NRDE2: variants seen among roughly 807,000 people sequenced by gnomAD.
NRDE2 encodes nuclear exosome regulator NRDE2.
NRDE2 carries 76 observed loss-of-function variants against 124.2 expected under a neutral mutation model. The ratio of observed to expected loss-of-function variants is 0.61; its 90% CI spans 0.51 to 0.74. The LOEUF is 0.74. NRDE2 is among the 30% of genes least tolerant of loss of function. The pLI is 0.00. For missense variants in NRDE2, 1,314 were observed against 1,417.3 expected, an observed-to-expected ratio of 0.93 and a Z score of 1.17; for synonymous variants, 489 against 528.1, an observed-to-expected ratio of 0.93 and a Z score of 1.01.
At chr14:90,316,263 A>G (rs770257828) in intron 3 of NRDE2, among the ~76,000 whole-genome samples, 68 of 152,252 alleles carry the variant, frequency 4.5e-4, no homozygotes, top group Non-Finnish European at 9.3e-4. Context: ...CACGGCCCTC[A>G]GAGAGGGAAC....
At chr14:90,318,715 C>T (rs1885139873) in intron 1 of NRDE2, among the ~76,000 whole-genome samples, 1 of 152,102 alleles carries the variant, frequency 6.6e-6, no homozygotes, top group African/African-American at 2.4e-5. Context: ...CAGGAGATTG[C>T]TTGAACCTGG....
chr14:90,316,821 A>C lies in NRDE2; in HGVS notation c.174-10T>G, dbSNP rs1380014524. 1.3e-6 allele frequency: 2 copies of C among 1,540,634 alleles called. No individual in the cohort carries two copies. Among genetic ancestry groups the C allele is most frequent in the Middle Eastern group, 1.8e-4 (1 of 5,590 alleles). On this transcript the variant is annotated splice_polypyrimidine_tract_variant and intron_variant, in intron 2 of 13. Coordinates refer to ENST00000354366, the MANE Select transcript of NRDE2 (RefSeq NM_017970.4). Reference sequence around the variant, plus strand: ...TGATTTCAGATGACTCCTGTTTGGGAAAATCAACTTTAAAATTACTTTCTA... The same window carrying C: ...TGATTTCAGATGACTCCTGTTTGGGCAAATCAACTTTAAAATTACTTTCTA...
At chr14:90,320,172 G>A (rs149914458) in intron 1 of NRDE2, among the ~76,000 whole-genome samples, 18 of 152,158 alleles carry the variant, frequency 1.2e-4, no homozygotes, top group East Asian at 3.9e-4. Context: ...GTATTAGTCC[G>A]TTCTCACACT....
intron 4 of NRDE2, among the ~76,000 whole-genome samples, chr14:90,311,729 G>A (rs913326502): frequency 3.3e-5 from 5 of 151,720 alleles, no homozygotes; most frequent in Admixed American, 6.6e-5. Context: ...AACTGTCTTG[G>A]GCCACACATA....
At chr14:90,294,551 C>G (rs1050362493) in intron 8 of NRDE2, among the ~76,000 whole-genome samples, 1 of 152,126 alleles carries the variant, frequency 6.6e-6, no homozygotes, top group Non-Finnish European at 1.5e-5. Context: ...TGAACCCTGA[C>G]GACACTACGC....
Position 90,278,056 on chromosome 14 carries a change from C to T in NRDE2, c.*280G>A, listed in dbSNP as rs1205830706. 6 of 296,298 alleles carry T rather than the reference C, an allele frequency of 2.0e-5. No individual in the cohort carries two copies. Among genetic ancestry groups the T allele is most frequent in the Non-Finnish European group, 3.3e-5 (5 of 151,270 alleles). 18.4% of individuals were successfully genotyped at this position (296,298 alleles called of 1,614,324 possible). A position where few individuals can be genotyped will look rare whatever the true frequency, so the allele number is the denominator to read the frequency against. ...GAGAGAATGAGCAAGGACGCTGCCA[C>T]GCCTCAATCATCATCGGTTTAATGA... On this transcript the variant is annotated 3_prime_UTR_variant, in exon 14 of 14. Coordinates refer to ENST00000354366, the MANE Select transcript of NRDE2 (RefSeq NM_017970.4).
At chr14:90,279,281 A>AC in intron 12 of NRDE2, 148 bp from the exon 13 acceptor site, 1 of 654,474 alleles carries the variant, frequency 1.5e-6, no homozygotes, top group Admixed American at 2.6e-5. Context: ...TGGCTGTGGG[A>AC]CAGGGGCAGG....
chr14:90,270,445 A>G lies in NRDE2; in HGVS notation c.*7891T>C. On this transcript the variant is annotated 3_prime_UTR_variant, in exon 14 of 14. Transcript: ENST00000354366. ...GCTCTTGGGATGGTGGTTGGCCTGG[A>G]CAGGTGGGTGTCTGTATTTTAATCA... 1 of 1,373,414 alleles carries G rather than the reference A, an allele frequency of 7.3e-7. No homozygotes were observed. Among genetic ancestry groups the G allele is most frequent in the Non-Finnish European group, 9.8e-7 (1 of 1,024,826 alleles). The allele number at this position is 1,373,414 out of a possible 1,614,324, so 85.1% of individuals were successfully genotyped here.
rs201994982 is a variant in NRDE2 at position 90,318,159 on chromosome 14, G to T, written c.65-46C>A. 9.7e-6 allele frequency: 14 copies of T among 1,445,148 alleles called. No homozygotes were observed. The African/African-American group carries it at 1.8e-4, about 19-fold the overall frequency. The allele number at this position is 1,445,148 out of a possible 1,614,324, so 89.5% of individuals were successfully genotyped here. On this transcript the variant is annotated intron_variant, in intron 1 of 13. Transcript: ENST00000354366. ...AAGATCAATGAAATTAGTTCAATAT[G>T]ATTCTAAAGCAGGAGATCTATCCAT... is the stretch of plus-strand genomic sequence containing the variant.
chr14:90,294,982 G>C (rs770936528), intron 8 of NRDE2, among the ~76,000 whole-genome samples: 1 of 152,188 alleles, frequency 6.6e-6, no homozygotes, highest in Non-Finnish European at 1.5e-5. Flanking sequence ...AAAGGATACT[G>C]TGAGGGAGCC....
rs964607962 is a variant in NRDE2, at chr14:90,276,011, T to C, written c.*2325A>G. On this transcript the variant is annotated 3_prime_UTR_variant, in exon 14 of 14. Transcript: ENST00000354366. Reference sequence around the variant, plus strand: ...ACTGCTTCATTCCAGGAAAGAACACTGTCCCAAACCCGAGGTGGGCCGACC... The same window carrying C: ...ACTGCTTCATTCCAGGAAAGAACACCGTCCCAAACCCGAGGTGGGCCGACC... The C allele has an allele frequency of 3.3e-5, 5 of 152,280 alleles. No homozygotes were observed. Among genetic ancestry groups the C allele is most frequent in the Non-Finnish European group, 4.4e-5 (3 of 68,122 alleles). The allele number at this position is 152,280 out of a possible 1,614,324, so 9.4% of individuals were successfully genotyped here.
Position 90,316,279 on chromosome 14 carries a change from T to C in NRDE2, c.407+299A>G, listed in dbSNP as rs73318674. Among the ~76,000 whole-genome samples the C allele has an allele frequency of 0.034, 5,117 of 152,220 alleles. 265 individuals are homozygous for C. The highest frequency in any genetic ancestry group is 0.12 in the African/African-American group (4,833 of 41,506). On this transcript the variant is annotated intron_variant, in intron 3 of 13. Coordinates refer to ENST00000354366, the MANE Select transcript of NRDE2 (RefSeq NM_017970.4). ...ACGGCCCTCAGAGAGGGAACCGTTA[T>C]CTATGTGATAACGGCACTGACTCAC...
chr14:90,297,459 T>G (rs1408818547), intron 8 of NRDE2, among the ~76,000 whole-genome samples: 4 of 152,198 alleles, frequency 2.6e-5, no homozygotes, highest in African/African-American at 9.6e-5. Context: ...ACATTATATT[T>G]CTATTGGGCA....
intron 4 of NRDE2, among the ~76,000 whole-genome samples, chr14:90,305,584 C>G (rs1884568766): frequency 6.6e-6 from 1 of 152,180 alleles, no homozygotes; most frequent in Admixed American, 6.5e-5. Flanking sequence ...GGAATACTAC[C>G]AGCAGTAAAA....
intron 4 of NRDE2, among the ~76,000 whole-genome samples, chr14:90,307,448 A>G (rs960731067): frequency 1.5e-5 from 2 of 136,282 alleles, no homozygotes; most frequent in African/African-American, 5.4e-5. Context: ...ACTAACGGCC[A>G]GGCGTGGTGG....
chr14:90,296,617 A>G (rs753404663), intron 8 of NRDE2, among the ~76,000 whole-genome samples: 18 of 152,206 alleles, frequency 1.2e-4, no homozygotes, highest in Non-Finnish European at 2.2e-4. Context: ...AAACAAAGAA[A>G]GGTCACACCT....
In NRDE2 at chr14:90,316,808, ACTC is replaced by A. The variant is rs1305972966; in HGVS notation, c.174_176del (p.Arg58del). 1.9e-6 allele frequency: 3 copies of A among 1,583,702 alleles called. No individual in the cohort carries two copies. Among genetic ancestry groups the A allele is most frequent in the Non-Finnish European group, 2.6e-6 (3 of 1,168,240 alleles). On this transcript the variant is annotated inframe_deletion and splice_region_variant, in exon 3 of 14. Transcript: ENST00000354366. Reference sequence around the variant, plus strand: ...CATCTGAAGACTCTGATTTCAGATGACTCCTGTTTGGGAAAATCAACTTTAAAA... The same window carrying A: ...CATCTGAAGACTCTGATTTCAGATGACTGTTTGGGAAAATCAACTTTAAAA...
In NRDE2 at chr14:90,290,306, T is replaced by C. The variant is rs770110630; in HGVS notation, c.2144A>G (p.Asn715Ser). 7 of 1,614,068 alleles carry C rather than the reference T, an allele frequency of 4.3e-6. No individual in the cohort carries two copies. The highest frequency in any genetic ancestry group is 1.1e-5 in the South Asian group (1 of 91,084). ...QNREGEEFIRNVFHLVMPLFS... is the reference protein window; with the variant it reads ...QNREGEEFIRSVFHLVMPLFS... ...TAAAGGCATGACAAGGTGGAAGACA[T>C]TGCGGATGAACTCCTCGCCCTCTCG... is the stretch of plus-strand genomic sequence containing the variant. The change falls in exon 10 of 14, where the codon AAT (asparagine) becomes AGT (serine). Residue 715 changes from asparagine (N) to serine (S), a missense_variant. Physicochemically the swap from Asn to Ser is conservative, Grantham distance 46. Coordinates refer to ENST00000354366, the MANE Select transcript of NRDE2 (RefSeq NM_017970.4).
intron 7 of NRDE2, among the ~76,000 whole-genome samples, chr14:90,300,976 G>T (rs1018581387): frequency 1.4e-5 from 2 of 147,466 alleles, no homozygotes; most frequent in African/African-American, 5.1e-5. Context: ...TGAGTCCTCA[G>T]AGAGCCTTTA....
Sources: gnomAD v4.1 joint callset for allele counts (sites outside exome capture counted in the v4.1 genomes callset) on GRCh38, gnomAD v4.1.1 for gene constraint, MANE v1.5 for transcripts, NCBI Gene and HGNC (gene_info 2026-07-23, HGNC 2026-07-21) for gene names.